The following INTS7 variants were observed in gnomAD, a reference collection of about 807,000 sequenced individuals.
The protein encoded by INTS7 is integrator complex subunit 7.
In INTS7, 46 loss-of-function variants were observed where a neutral mutation model predicts 109.2. The observed-to-expected ratio is 0.42, with a 90% confidence interval of 0.33 to 0.54. INTS7 has a LOEUF of 0.54. Among genes scored for constraint, INTS7 ranks in the 20% least tolerant of loss-of-function variants. The pLI, the probability that INTS7 is intolerant of heterozygous loss-of-function variation, is 0.07. For missense variants in INTS7, 929 were observed against 1,132.4 expected, an observed-to-expected ratio of 0.82 and a Z score of 2.58; for synonymous variants, 412 against 402.9, an observed-to-expected ratio of 1.02 and a Z score of -0.27.
At chr1:211,952,481 A>C in intron 17 of INTS7, 88 bp downstream of exon 17, 1 of 1,356,520 alleles carries the variant, frequency 7.4e-7, no homozygotes, top group Non-Finnish European at 1.0e-6. Flanking sequence ...AGAAAGGTTA[A>C]TTTGTTGAAC....
At chr1:211,966,756 C>T (rs1663899640) in intron 15 of INTS7, among the ~76,000 whole-genome samples, 1 of 152,038 alleles carries the variant, frequency 6.6e-6, no homozygotes, top group Admixed American at 6.6e-5. Context: ...GTGATAGGCC[C>T]CGTGATTCAA....
At position 211,961,948 on chromosome 1, in the gene INTS7, G is replaced by A. The variant is rs557988538; in HGVS notation, c.2183+4482C>T. On this transcript the variant is annotated intron_variant, in intron 16 of 19. Transcript: ENST00000366994. ...CATACTTAAGTACACAGACCAGTGA[G>A]ACACTATAAAGCAACCACACAAACA... 8.5e-5 allele frequency among the ~76,000 whole-genome samples: 13 copies of A among 152,236 alleles called. No homozygotes were observed. The South Asian group carries it at 2.7e-3, about 32-fold the overall frequency.
chr1:211,951,373 A>T (rs1359588370), intron 17 of INTS7, among the ~76,000 whole-genome samples: 1 of 151,960 alleles, frequency 6.6e-6, no homozygotes, highest in East Asian at 1.9e-4. Context: ...CAGTGGCGCT[A>T]TCTCAGCTCA....
At chr1:212,024,807 G>T (rs1265489533) in intron 1 of INTS7, among the ~76,000 whole-genome samples, 2 of 152,198 alleles carry the variant, frequency 1.3e-5, no homozygotes, top group African/African-American at 4.8e-5. Flanking sequence ...TAAGAACATG[G>T]AGTGTAATCT....
chr1:212,011,561 G>A (rs973808839), intron 4 of INTS7, 140 bp from the exon 5 acceptor site: 6 of 617,720 alleles, frequency 9.7e-6, no homozygotes, highest in African/African-American at 3.7e-5. Context: ...TCAGGTGCTC[G>A]GGTTAGGGGA....
chr1:211,976,952 T>C (rs1003445765), intron 11 of INTS7, among the ~76,000 whole-genome samples: 1 of 152,206 alleles, frequency 6.6e-6, no homozygotes, highest in African/African-American at 2.4e-5. Flanking sequence ...ATGAATAAAT[T>C]ATATAACATA....
At chr1:211,979,721 C>T (rs1364929673) in intron 10 of INTS7, among the ~76,000 whole-genome samples, 3 of 152,276 alleles carry the variant, frequency 2.0e-5, no homozygotes, top group Admixed American at 6.5e-5. Flanking sequence ...ACAACAGGTA[C>T]ATTCTTACTT....
intron 13 of INTS7, among the ~76,000 whole-genome samples, chr1:211,973,213 T>C (rs930759020): frequency 6.6e-6 from 1 of 152,194 alleles, no homozygotes; most frequent in Admixed American, 6.5e-5. Flanking sequence ...CCCAGAGTAC[T>C]GGGATTACAG....
intron 7 of INTS7, among the ~76,000 whole-genome samples, chr1:212,001,160 G>A (rs888988806): frequency 2.0e-5 from 3 of 149,320 alleles, no homozygotes; most frequent in African/African-American, 4.9e-5. Flanking sequence ...TCTGCTTCCC[G>A]GATTCAAGCG....
chr1:211,984,225 T>C (rs1047149663), intron 8 of INTS7, among the ~76,000 whole-genome samples: 6 of 152,178 alleles, frequency 3.9e-5, no homozygotes, highest in Non-Finnish European at 8.8e-5. Flanking sequence ...ACTGTGGAAA[T>C]TGTATTTCCT....
intron 7 of INTS7, among the ~76,000 whole-genome samples, chr1:211,991,599 T>C (rs1665150728): frequency 1.3e-5 from 2 of 152,162 alleles, no homozygotes; most frequent in Admixed American, 1.3e-4. Context: ...AAAAATCAAA[T>C]GTAAGTGAGG....
intron 18 of INTS7, 53 bp from the exon 19 acceptor site, chr1:211,945,022 C>A (rs1224741425): frequency 2.6e-6 from 4 of 1,552,028 alleles, no homozygotes; most frequent in Non-Finnish European, 3.5e-6. Flanking sequence ...AGCTTCCTTC[C>A]GACAAACATG....
chr1:212,017,675 G>T (rs138967717), intron 3 of INTS7, among the ~76,000 whole-genome samples: 24 of 152,268 alleles, frequency 1.6e-4, no homozygotes, highest in African/African-American at 5.5e-4. Flanking sequence ...TCAGCAGAAA[G>T]GCATACATTT....
At chr1:211,995,060 G>A (rs946205340) in intron 7 of INTS7, among the ~76,000 whole-genome samples, 1 of 151,990 alleles carries the variant, frequency 6.6e-6, no homozygotes, top group Non-Finnish European at 1.5e-5. Context: ...GAAGATGAAT[G>A]GCAGCAGAAA....
intron 16 of INTS7, among the ~76,000 whole-genome samples, chr1:211,957,529 G>A (rs996147862): frequency 2.6e-5 from 4 of 152,198 alleles, no homozygotes; most frequent in Admixed American, 6.5e-5. Context: ...CTGGGCGACA[G>A]AGAGAGGATC....
At chr1:212,035,260 CGTCTTCTCCCAAAGCAACCACCACCTG>C (rs1231344061) in intron 1 of INTS7, 57 bp downstream of exon 1, 4 of 906,738 alleles carry the variant, frequency 4.4e-6, no homozygotes, top group Non-Finnish European at 7.3e-6. Context: ...TGCGCCTATC[CGTCTTCTCCCAAAGCAACCACCACCTG>C]GTGGCGCCAC....
chr1:211,976,337 A>G (rs1664418338), intron 12 of INTS7, among the ~76,000 whole-genome samples: 2 of 152,206 alleles, frequency 1.3e-5, no homozygotes. Context: ...AAGTGGCACT[A>G]ACAACCTACA....
rs553483061 is a variant in INTS7, at chr1:211,952,718, T to C, written c.2184-17A>G. 7 of 1,606,574 alleles carry C rather than the reference T, an allele frequency of 4.4e-6. No homozygotes were observed. In the South Asian group the frequency reaches 5.5e-5, roughly 13 times the overall value. ...TCCTGGAAACTGAAGTAAAGGTCAA[T>C]ATTCATTAATCCATCAAAATAGCAT... is the stretch of plus-strand genomic sequence containing the variant. On this transcript the variant is annotated splice_polypyrimidine_tract_variant and intron_variant, in intron 16 of 19. Coordinates refer to ENST00000366994, the MANE Select transcript of INTS7 (RefSeq NM_015434.4).
chr1:211,996,633 T>C (rs184055546), intron 7 of INTS7, among the ~76,000 whole-genome samples: 160 of 152,262 alleles, frequency 1.1e-3, no homozygotes, highest in Non-Finnish European at 2.1e-3. Flanking sequence ...ATTGCTCTCA[T>C]GGATATTAAA....
Sources: allele counts gnomAD v4.1 joint callset (sites outside exome capture counted in the v4.1 genomes callset), GRCh38; gene constraint gnomAD v4.1.1; transcripts MANE v1.5; gene names NCBI Gene and HGNC (gene_info 2026-07-23, HGNC 2026-07-21).